Variants in STEAP4 observed in about 807,000 individuals in gnomAD.
STEAP4 encodes the protein metalloreductase STEAP4.
Under a neutral mutation model 43.6 loss-of-function variants are expected in STEAP4, and 36 were observed. The ratio of observed to expected loss-of-function variants is 0.83; its 90% CI spans 0.63 to 1.09. STEAP4 has a LOEUF of 1.09. Ranked by LOEUF, STEAP4 falls within the 50% of genes least tolerant of loss-of-function variation. STEAP4 has a pLI of 0.00. For synonymous variants in STEAP4, 191 were observed against 196.7 expected (o/e 0.97, Z 0.24); for missense variants, 495 against 546.5 (o/e 0.91, Z 0.94).
chr7:88,295,023 T>C (rs756305962), intron 1 of STEAP4, among the ~76,000 whole-genome samples: 21 of 152,162 alleles, frequency 1.4e-4, no homozygotes, highest in African/African-American at 5.1e-4. Flanking sequence ...AAATTTAAAA[T>C]GTAAAAAAGT....
chr7:88,295,509 G>A (rs886301964), intron 1 of STEAP4, among the ~76,000 whole-genome samples: 1 of 152,090 alleles, frequency 6.6e-6, no homozygotes, highest in Non-Finnish European at 1.5e-5. Context: ...GCTCCCCCAG[G>A]TGATTCAAAT....
rs1435036871 is a variant in STEAP4 at position 88,278,767 on chromosome 7, C to CT, written c.*630dup. On this transcript the variant is annotated 3_prime_UTR_variant, in exon 5 of 5. Transcript: ENST00000380079. ...TACGTATGTATCCAAGACATGGATACTTTTAATCAATTGTAAATTTTTCTT... is the reference window on the plus strand; with the variant it reads ...TACGTATGTATCCAAGACATGGATACTTTTTAATCAATTGTAAATTTTTCTT... The CT allele has an allele frequency of 6.5e-6, 1 of 153,626 alleles. No homozygotes were observed. The highest frequency in any genetic ancestry group is 1.4e-5 in the Non-Finnish European group (1 of 69,016). 9.5% of individuals were successfully genotyped at this position (153,626 alleles called of 1,614,324 possible).
chr7:88,283,469 T>C (rs1024179821), intron 2 of STEAP4: 3 of 477,826 alleles, frequency 6.3e-6, no homozygotes, highest in Admixed American at 7.8e-5. Flanking sequence ...GCATCACTTA[T>C]GAATGCTTCT....
At chr7:88,283,338 T>A in intron 2 of STEAP4, 170 bp from the exon 3 acceptor site, 1 of 743,798 alleles carries the variant, frequency 1.3e-6, no homozygotes, top group Non-Finnish European at 2.0e-6. Flanking sequence ...AACTTGTATG[T>A]GGTGTCTTAG....
At chr7:88,288,601 A>G (rs1289196009) in intron 1 of STEAP4, among the ~76,000 whole-genome samples, 1 of 152,220 alleles carries the variant, frequency 6.6e-6, no homozygotes, top group Admixed American at 6.5e-5. Flanking sequence ...GACAAATGTG[A>G]TTGCATAAAA....
chr7:88,277,541 A>G lies in STEAP4; in HGVS notation c.*1857T>C, dbSNP rs1376518125. The G allele has an allele frequency of 6.6e-6, 1 of 152,174 alleles. No individual in the cohort carries two copies. Among genetic ancestry groups the G allele is most frequent in the African/African-American group, 2.4e-5 (1 of 41,442 alleles). 9.4% of individuals were successfully genotyped at this position (152,174 alleles called of 1,614,324 possible). ...AAGGAAAGAGGTTTGAAAAATGCCT[A>G]TTTGATGTGATATTATGCAGCCATT... On this transcript the variant is annotated 3_prime_UTR_variant, in exon 5 of 5. Coordinates refer to ENST00000380079, the MANE Select transcript of STEAP4 (RefSeq NM_024636.4).
At chr7:88,305,912 C>A (rs1853121506) in intron 1 of STEAP4, among the ~76,000 whole-genome samples, 1 of 152,148 alleles carries the variant, frequency 6.6e-6, no homozygotes, top group Admixed American at 6.5e-5. Flanking sequence ...CTCCCCTCCC[C>A]CATTCTCTAT....
chr7:88,301,876 C>T (rs546487319), intron 1 of STEAP4, among the ~76,000 whole-genome samples: 4 of 152,110 alleles, frequency 2.6e-5, no homozygotes, highest in Non-Finnish European at 4.4e-5. Context: ...GTGTTTGGCC[C>T]CATATCACTC....
At chr7:88,299,921 T>G (rs1381940021) in intron 1 of STEAP4, among the ~76,000 whole-genome samples, 1 of 152,194 alleles carries the variant, frequency 6.6e-6, no homozygotes. Flanking sequence ...CCACAATGCT[T>G]ATGAATATAG....
intron 1 of STEAP4, among the ~76,000 whole-genome samples, chr7:88,294,506 A>C (rs1852893976): frequency 6.6e-6 from 1 of 152,122 alleles, no homozygotes; most frequent in Non-Finnish European, 1.5e-5. Context: ...TATATGATGG[A>C]CTATATGCAT....
chr7:88,279,833 A>G (rs1349642081), intron 4 of STEAP4, among the ~76,000 whole-genome samples: 1 of 152,220 alleles, frequency 6.6e-6, no homozygotes, highest in African/African-American at 2.4e-5. Context: ...TTTCTTACAA[A>G]TGACATAGTA....
chr7:88,301,726 C>G (rs551296257), intron 1 of STEAP4, among the ~76,000 whole-genome samples: 1 of 152,262 alleles, frequency 6.6e-6, no homozygotes, highest in Non-Finnish European at 1.5e-5. Context: ...CAGGTGTGCA[C>G]CACCACGCCC....
rs1261029606 is a variant in STEAP4, at chr7:88,282,733, G to A, written c.892C>T (p.Leu298=). ...LCRKQLGLVA[L]GFAFLHVLYT... is the part of the protein sequence containing the mutation. Reference sequence around the variant, plus strand: ...AGGACATGAAGGAAGGCAAATCCCAGAGCTACCAAGCCAAGCTGCTTTCGG... The same window carrying A: ...AGGACATGAAGGAAGGCAAATCCCAAAGCTACCAAGCCAAGCTGCTTTCGG... Residue 298 remains leucine (L), a synonymous_variant, in exon 3 of 5, where the codon CTG becomes TTG. Transcript: ENST00000380079. 1 of 1,613,860 alleles carries A rather than the reference G, an allele frequency of 6.2e-7. No homozygotes were observed. The highest frequency in any genetic ancestry group is 8.5e-7 in the Non-Finnish European group (1 of 1,179,990).
rs35621332 is a variant in STEAP4, at chr7:88,275,600, GGT to G, written c.*3796_*3797del. The G allele has an allele frequency of 0.029, 4,220 of 144,382 alleles. 107 individuals carry two copies. The highest frequency in any genetic ancestry group is 0.076 in the African/African-American group (2,960 of 39,170). The allele number at this position is 144,382 out of a possible 1,614,324, so 8.9% of individuals were successfully genotyped here. ...TAAGGCTATCTGTGGGCTCTCATGG[GGT>G]GTGTGTGTGTGTGTGTGTGTGTGTG... On this transcript the variant is annotated 3_prime_UTR_variant, in exon 5 of 5. Transcript: ENST00000380079.
intron 2 of STEAP4, chr7:88,283,523 A>G: frequency 2.0e-6 from 1 of 501,722 alleles, no homozygotes; most frequent in Non-Finnish European, 3.5e-6. Flanking sequence ...AAGGTAATGG[A>G]AGCAGAAAAG....
At chr7:88,279,772 A>G (rs34386075) in intron 4 of STEAP4, 144 bp from the exon 5 acceptor site, 31,994 of 650,392 alleles carry the variant, frequency 0.049, 1,063 homozygotes, top group Non-Finnish European at 0.061. Context: ...TACTGAAAAA[A>G]AGCACTAACC....
intron 1 of STEAP4, among the ~76,000 whole-genome samples, chr7:88,286,862 T>A (rs1475835902): frequency 6.6e-6 from 1 of 150,968 alleles, no homozygotes; most frequent in African/African-American, 2.4e-5. Flanking sequence ...CCAGACCCAG[T>A]CTCAAACCAA....
At chr7:88,297,194 TA>T (rs1315157921) in intron 1 of STEAP4, among the ~76,000 whole-genome samples, 1 of 152,198 alleles carries the variant, frequency 6.6e-6, no homozygotes, top group East Asian at 1.9e-4. Context: ...AGGTGAAGAA[TA>T]CAGATCTCAT....
chr7:88,291,975 C>A (rs1352127619), intron 1 of STEAP4, among the ~76,000 whole-genome samples: 6 of 152,138 alleles, frequency 3.9e-5, no homozygotes, highest in African/African-American at 1.4e-4. Flanking sequence ...AAAGTGATCT[C>A]ACAAGGGTGT....
Sources: allele counts gnomAD v4.1 joint callset (sites outside exome capture counted in the v4.1 genomes callset), GRCh38; gene constraint gnomAD v4.1.1; transcripts MANE v1.5; gene names NCBI Gene and HGNC (gene_info 2026-07-23, HGNC 2026-07-21).